ARHGAP22: variants seen among roughly 807,000 people sequenced by gnomAD.
ARHGAP22 encodes rho GTPase-activating protein 22.
In ARHGAP22, 48 loss-of-function variants were observed where a neutral mutation model predicts 59.1. The ratio of observed to expected loss-of-function variants is 0.81; its 90% CI spans 0.64 to 1.03. ARHGAP22 has a LOEUF of 1.03. ARHGAP22 is among the 50% of genes least tolerant of loss of function. The pLI is 0.00. For missense variants in ARHGAP22, 1,015 were observed against 958.7 expected (o/e 1.06, Z -0.78); for synonymous variants, 445 against 416.4 (o/e 1.07, Z -0.84).
chr10:48,608,797 T>G (rs914881479), upstream of ARHGAP22, among the ~76,000 whole-genome samples: 1 of 152,220 alleles, frequency 6.6e-6, no homozygotes, highest in African/African-American at 2.4e-5. Context: ...AAGCCAGTTG[T>G]TTAGCAAGAA....
chr10:48,506,502 G>A (rs1445406966), intron 3 of ARHGAP22, among the ~76,000 whole-genome samples: 3 of 152,214 alleles, frequency 2.0e-5, no homozygotes, highest in Non-Finnish European at 4.4e-5. Context: ...ACGTCATGAT[G>A]TGGCACATGA....
chr10:48,517,685 G>A (rs867863768), intron 3 of ARHGAP22, among the ~76,000 whole-genome samples: 2 of 151,980 alleles, frequency 1.3e-5, no homozygotes, highest in Middle Eastern at 3.2e-3. Context: ...ATGTGCTGTC[G>A]AGCCCCCACC....
chr10:48,453,278 G>A, intron 8 of ARHGAP22, 26 bp downstream of exon 8: 1 of 1,612,082 alleles, frequency 6.2e-7, no homozygotes, highest in Non-Finnish European at 8.5e-7. Context: ...CAGCACCCAG[G>A]GCCACCAGGT....
chr10:48,569,590 A>G (rs1431170782), intron 2 of ARHGAP22, among the ~76,000 whole-genome samples: 1 of 152,182 alleles, frequency 6.6e-6, no homozygotes, highest in Non-Finnish European at 1.5e-5. Flanking sequence ...TTTTCTACGT[A>G]TTACTGTAAA....
intron 3 of ARHGAP22, among the ~76,000 whole-genome samples, chr10:48,512,879 G>A (rs1314443525): frequency 2.6e-5 from 4 of 152,158 alleles, no homozygotes; most frequent in African/African-American, 9.7e-5. Context: ...TAGGTAAGGG[G>A]GACAAGGCCG....
At chr10:48,656,047 C>A (rs1340242858), upstream of ARHGAP22, 2 of 152,070 alleles carry the variant, frequency 1.3e-5, no homozygotes, top group African/African-American at 4.8e-5. Context: ...CCAGCCGTCT[C>A]CTCCCCTGCC....
chr10:48,519,135 T>C (rs1033668040), intron 3 of ARHGAP22, among the ~76,000 whole-genome samples: 1 of 152,206 alleles, frequency 6.6e-6, no homozygotes, highest in Non-Finnish European at 1.5e-5. Flanking sequence ...GCAGCCACTG[T>C]GCTGGCCTGA....
Position 48,450,901 on chromosome 10 carries a change from T to C in ARHGAP22, c.1228A>G (p.Thr410Ala), listed in dbSNP as rs775043258. The change falls in exon 9 of 10, where the codon ACG becomes GCG. Residue 410 changes from threonine to alanine, a missense_variant. By Grantham distance (58) the Thr-to-Ala change is moderately conservative. Transcript: ENST00000249601. ...GGGCTGCACCGGCTCCCCGGCCCCG[T>C]GGGGGCTGTTCTGGAGAGCACCGCC... The part of the protein sequence containing the change: ...AVAVLSRTAP[T>A]GPGSRCSPGK... The C allele has an allele frequency of 1.0e-5, 16 of 1,592,196 alleles. No homozygotes were observed. Among genetic ancestry groups the C allele is most frequent in the Non-Finnish European group, 1.3e-5 (15 of 1,170,746 alleles).
At chr10:48,459,034 G>C (rs2046862989) in intron 5 of ARHGAP22, among the ~76,000 whole-genome samples, 1 of 152,126 alleles carries the variant, frequency 6.6e-6, no homozygotes, top group African/African-American at 2.4e-5. Context: ...ATGGAGGGTA[G>C]TTTTTCCTGA....
intron 8 of ARHGAP22, among the ~76,000 whole-genome samples, chr10:48,452,423 T>C (rs1424507987): frequency 6.6e-6 from 1 of 152,164 alleles, no homozygotes; most frequent in African/African-American, 2.4e-5. Context: ...CCCTCAAGCA[T>C]CTGTACCACC....
chr10:48,567,244 G>A (rs904915157), intron 2 of ARHGAP22, among the ~76,000 whole-genome samples: 1 of 152,236 alleles, frequency 6.6e-6, no homozygotes, highest in African/African-American at 2.4e-5. Context: ...GGTTGAGGCT[G>A]CACTACTGGT....
At chr10:48,515,413 CT>C (rs2053189468) in intron 3 of ARHGAP22, among the ~76,000 whole-genome samples, 1 of 152,118 alleles carries the variant, frequency 6.6e-6, no homozygotes, top group African/African-American at 2.4e-5. Context: ...ATATATGCCC[CT>C]ATAAACAGAA....
At chr10:48,480,768 T>C (rs774701299) in intron 3 of ARHGAP22, among the ~76,000 whole-genome samples, 2 of 152,222 alleles carry the variant, frequency 1.3e-5, no homozygotes, top group Non-Finnish European at 2.9e-5. Context: ...ATTTTACAGA[T>C]GAGAAAACTG....
At chr10:48,561,310 A>C (rs1404200263) in intron 2 of ARHGAP22, among the ~76,000 whole-genome samples, 1 of 152,204 alleles carries the variant, frequency 6.6e-6, no homozygotes, top group Non-Finnish European at 1.5e-5. Context: ...TGTGTGCAAA[A>C]AAATGAATCT....
At chr10:48,521,593 T>C (rs1191915089) in intron 3 of ARHGAP22, among the ~76,000 whole-genome samples, 1 of 152,246 alleles carries the variant, frequency 6.6e-6, no homozygotes, top group African/African-American at 2.4e-5. Flanking sequence ...CAATGATTAA[T>C]GGACTCTCTT....
In ARHGAP22 at chr10:48,632,152, A is replaced by C. The variant is rs115929560; in HGVS notation, c.52+20082T>G. Among the ~76,000 whole-genome samples, 562 of 152,266 alleles carry C rather than the reference A, an allele frequency of 3.7e-3. 5 individuals are homozygous for C. Among genetic ancestry groups the C allele is most frequent in the African/African-American group, 0.013 (543 of 41,544 alleles). On this transcript the variant is annotated intron_variant, in intron 1 of 9. Coordinates refer to the ARHGAP22 transcript ENST00000435790. ...CCTTCCCCACGAGTCCTCAAAGTCC[A>C]TTATATAATTCTTACGCCTTTGCAT...
intron 3 of ARHGAP22, among the ~76,000 whole-genome samples, chr10:48,488,594 G>A (rs1295945120): frequency 6.6e-6 from 1 of 152,206 alleles, no homozygotes. Context: ...ACTCAGTACA[G>A]AGCTAATTAT....
chr10:48,463,672 TG>T (rs771058084), intron 4 of ARHGAP22, among the ~76,000 whole-genome samples: 3 of 152,210 alleles, frequency 2.0e-5, no homozygotes, highest in Non-Finnish European at 4.4e-5. Flanking sequence ...CAGAAGTCCC[TG>T]CTACGTGAGC....
At chr10:48,584,466 C>T (rs1350891236) in intron 1 of ARHGAP22, among the ~76,000 whole-genome samples, 2 of 152,236 alleles carry the variant, frequency 1.3e-5, no homozygotes, top group African/African-American at 2.4e-5. Context: ...GTCACTCCCT[C>T]CCCTACCAGG....
Sources: gnomAD v4.1 joint callset for allele counts (sites outside exome capture counted in the v4.1 genomes callset) on GRCh38, gnomAD v4.1.1 for gene constraint, MANE v1.5 for transcripts, NCBI Gene and HGNC (gene_info 2026-07-23, HGNC 2026-07-21) for gene names.